The following CYP3A43 variants were observed in gnomAD, a reference collection of about 807,000 sequenced individuals.
CYP3A43 encodes cytochrome P450 family 3 subfamily A member 43.
A neutral mutation model predicts 58.0 loss-of-function variants in CYP3A43; 45 were observed. That is an observed-to-expected ratio of 0.78 (90% CI 0.61 to 0.99). CYP3A43 has a LOEUF of 0.99. Among genes scored for constraint, CYP3A43 ranks in the 50% least tolerant of loss-of-function variants. The pLI is 0.00. For synonymous variants in CYP3A43, 191 were observed against 201.4 expected, an observed-to-expected ratio of 0.95 and a Z score of 0.44; for missense variants, 593 against 591.9, an observed-to-expected ratio of 1.00 and a Z score of -0.02.
intron 5 of CYP3A43, 52 bp downstream of exon 5, chr7:99,847,653 A>T: frequency 6.2e-7 from 1 of 1,605,468 alleles, no homozygotes; most frequent in Non-Finnish European, 8.5e-7. Context: ...GAATCTGGAG[A>T]CAGGTAGTAA....
chr7:99,837,341 GAAA>G (rs1375448072), intron 2 of CYP3A43, among the ~76,000 whole-genome samples: 4 of 145,578 alleles, frequency 2.7e-5, no homozygotes, highest in African/African-American at 1.0e-4. Context: ...AAAAAGAAAA[GAAA>G]AAAAGAAAAA....
chr7:99,836,824 G>A (rs933667176), intron 2 of CYP3A43, among the ~76,000 whole-genome samples: 1 of 152,138 alleles, frequency 6.6e-6, no homozygotes, highest in Non-Finnish European at 1.5e-5. Flanking sequence ...CCATAAAGAG[G>A]ACTTTCCTTT....
chr7:99,855,709 T>G lies in CYP3A43; in HGVS notation c.789T>G (p.Asp263Glu). 6.2e-7 allele frequency: 1 copy of G among 1,607,558 alleles called. No homozygotes were observed. Among genetic ancestry groups the G allele is most frequent in the Non-Finnish European group, 8.5e-7 (1 of 1,177,428 alleles). Residue 263 changes from aspartate to glutamate, a missense_variant, in exon 8 of 13, where the codon GAT (aspartate) becomes GAG (glutamate). Asp to Glu is a conservative substitution (Grantham distance 45). Transcript: ENST00000354829. ...GGATGAAAGAAAGTCGCCTCAAAGA[T>G]AAACAAAAGGTAAAATCTGGTGGTG... ...IERMKESRLK[D>E]KQKHRVDFFQ...
At chr7:99,846,263 C>T (rs1001342208) in intron 4 of CYP3A43, among the ~76,000 whole-genome samples, 1 of 151,738 alleles carries the variant, frequency 6.6e-6, no homozygotes, top group African/African-American at 2.4e-5. Context: ...TCTTTTAGTC[C>T]TTTCATCAAC....
chr7:99,832,631 A>G (rs653245), intron 1 of CYP3A43, among the ~76,000 whole-genome samples: 151,212 of 151,334 alleles, frequency 1, 75,546 homozygotes, highest in Middle Eastern at 1. Context: ...CATGGCACAT[A>G]TATACATATG....
At chr7:99,839,034 T>C (rs1415274329) in intron 2 of CYP3A43, 86 bp from the exon 3 acceptor site, 2 of 1,469,674 alleles carry the variant, frequency 1.4e-6, no homozygotes, top group African/African-American at 2.8e-5. Context: ...TAGCAAGTCA[T>C]TGGATTTGAC....
intron 9 of CYP3A43, 35 bp from the exon 10 acceptor site, chr7:99,859,795 C>G (rs768783961): frequency 1.2e-6 from 2 of 1,613,422 alleles, no homozygotes; most frequent in African/African-American, 2.7e-5. Flanking sequence ...TCTACACTAA[C>G]CACTTTTCCT....
At chr7:99,849,954 C>A (rs1036298515) in intron 7 of CYP3A43, 2 of 464,918 alleles carry the variant, frequency 4.3e-6, no homozygotes, top group Admixed American at 2.6e-5. Context: ...TCTTCCTCAC[C>A]ATTTTTTTTT....
chr7:99,849,796 A>G, intron 7 of CYP3A43, 102 bp downstream of exon 7: 1 of 1,170,318 alleles, frequency 8.5e-7, no homozygotes, highest in Non-Finnish European at 1.2e-6. Context: ...TAATTCACCT[A>G]CTTAAAATGT....
At chr7:99,835,688 T>C (rs913234730) in intron 1 of CYP3A43, among the ~76,000 whole-genome samples, 2 of 152,218 alleles carry the variant, frequency 1.3e-5, no homozygotes, top group African/African-American at 4.8e-5. Context: ...ATAGTAGTTA[T>C]GGTACAGTAG....
intron 9 of CYP3A43, among the ~76,000 whole-genome samples, chr7:99,858,817 C>T (rs573901902): frequency 3.1e-4 from 47 of 152,014 alleles, no homozygotes; most frequent in Non-Finnish European, 5.3e-4. Flanking sequence ...CTCAGCCTCC[C>T]GAGTAGCTGG....
At chr7:99,839,989 A>G (rs917697408) in intron 3 of CYP3A43, among the ~76,000 whole-genome samples, 2 of 152,202 alleles carry the variant, frequency 1.3e-5, no homozygotes, top group Admixed American at 1.3e-4. Context: ...TGACAAAGAT[A>G]AGGGAAGATG....
At position 99,828,169 on chromosome 7, in the gene CYP3A43, C is replaced by T. The variant is rs1251551352; in HGVS notation, c.54C>T (p.Ser18=). Residue 18 remains serine, a synonymous_variant, in exon 1 of 13, where the codon AGC becomes AGT. Coordinates refer to ENST00000354829, the MANE Select transcript of CYP3A43 (RefSeq NM_057095.3). ...AAACATGGGTTCTTGTGGCTACCAGCCTGGTACTCCTCTATATGTGAGTAA... is the reference window on the plus strand; with the variant it reads ...AAACATGGGTTCTTGTGGCTACCAGTCTGGTACTCCTCTATATGTGAGTAA... The part of the protein sequence containing the change: ...AMETWVLVAT[S]LVLLYIYGTH... 1 of 1,612,450 alleles carries T rather than the reference C, an allele frequency of 6.2e-7. No homozygotes were observed. The highest frequency in any genetic ancestry group is 8.5e-7 in the Non-Finnish European group (1 of 1,179,050).
In CYP3A43 at chr7:99,844,888, G is replaced by A. The variant is rs182652178; in HGVS notation, c.318+646G>A. On this transcript the variant is annotated intron_variant, in intron 4 of 12. Coordinates refer to ENST00000354829, the MANE Select transcript of CYP3A43 (RefSeq NM_057095.3). ...GATCAAGACCATCCTGGCCAACATG[G>A]TGAAACCTCATCTCTACTAAAAATA... Among the ~76,000 whole-genome samples the A allele has an allele frequency of 4.7e-3, 711 of 152,160 alleles. 4 individuals carry two copies. Among genetic ancestry groups the A allele is most frequent in the Admixed American group, 8.2e-3 (126 of 15,282 alleles).
chr7:99,840,713 G>A (rs1408880676), intron 3 of CYP3A43, among the ~76,000 whole-genome samples: 1 of 152,134 alleles, frequency 6.6e-6, no homozygotes, highest in African/African-American at 2.4e-5. Context: ...ACAGGTCGCA[G>A]CTACCCCTGT....
At position 99,864,049 on chromosome 7, in the gene CYP3A43, C is replaced by T. The variant is rs888215110; in HGVS notation, c.1416+350C>T. ...GCAATGATTACTTTGTCAGGACTTT[C>T]GAATGGTGCTCTCCTCCACTAGAAC... On this transcript the variant is annotated intron_variant, in intron 12 of 12. Transcript: ENST00000354829. Among the ~76,000 whole-genome samples the T allele has an allele frequency of 4.7e-5, 7 of 148,542 alleles. 1 individual carries two copies. The highest frequency in any genetic ancestry group is 1.1e-4 in the African/African-American group (4 of 38,014).
intron 7 of CYP3A43, 93 bp from the exon 8 acceptor site, chr7:99,855,498 G>A: frequency 4.2e-6 from 6 of 1,436,364 alleles, no homozygotes; most frequent in East Asian, 5.0e-5. Flanking sequence ...GAACCCTGAA[G>A]TCTATAGGTA....
intron 9 of CYP3A43, among the ~76,000 whole-genome samples, chr7:99,857,709 G>T (rs1461937389): frequency 1.3e-5 from 2 of 152,080 alleles, no homozygotes; most frequent in Admixed American, 1.3e-4. Flanking sequence ...CGGGTGTGGT[G>T]GCGCACACCT....
intron 9 of CYP3A43, among the ~76,000 whole-genome samples, chr7:99,859,381 C>G (rs1818130478): frequency 6.6e-6 from 1 of 152,190 alleles, no homozygotes; most frequent in Non-Finnish European, 1.5e-5. Context: ...AAAATCAAGC[C>G]TTAGTATTGC....
Sources: gnomAD v4.1 joint callset for allele counts (sites outside exome capture counted in the v4.1 genomes callset) on GRCh38, gnomAD v4.1.1 for gene constraint, MANE v1.5 for transcripts, NCBI Gene and HGNC (gene_info 2026-07-23, HGNC 2026-07-21) for gene names.